SNTB1: variants seen among roughly 807,000 people sequenced by gnomAD.
SNTB1 encodes the protein beta-1-syntrophin.
In SNTB1, 36 loss-of-function variants were observed where a neutral mutation model predicts 48.9. The ratio of observed to expected loss-of-function variants is 0.74; its 90% CI spans 0.56 to 0.97. The LOEUF is 0.97. Ranked by LOEUF, SNTB1 falls within the 50% of genes least tolerant of loss-of-function variation. The pLI is 0.00. For missense variants in SNTB1, 786 were observed against 703.4 expected, an observed-to-expected ratio of 1.12 and a Z score of -1.33; for synonymous variants, 299 against 294.6, an observed-to-expected ratio of 1.01 and a Z score of -0.15.
chr8:120,663,869 C>T lies in SNTB1; in HGVS notation c.788+29823G>A, dbSNP rs141259404. Among the ~76,000 whole-genome samples, 32 of 152,184 alleles carry T rather than the reference C, an allele frequency of 2.1e-4. 1 individual carries two copies. In the East Asian group the frequency reaches 5.0e-3, roughly 24 times the overall value. On this transcript the variant is annotated intron_variant, in intron 2 of 6. Coordinates refer to ENST00000517992, the MANE Select transcript of SNTB1 (RefSeq NM_021021.4). ...GAGAATGCTTGAGATACTAAAGATCCGATTACAGCAGAGAAGGAGGGCATT... is the reference window on the plus strand; with the variant it reads ...GAGAATGCTTGAGATACTAAAGATCTGATTACAGCAGAGAAGGAGGGCATT...
At chr8:120,683,026 C>G (rs913832120) in intron 2 of SNTB1, among the ~76,000 whole-genome samples, 2 of 151,498 alleles carry the variant, frequency 1.3e-5, no homozygotes, top group African/African-American at 4.8e-5. Context: ...GGACTACAGG[C>G]GCCCGCCACT....
intron 1 of SNTB1, among the ~76,000 whole-genome samples, chr8:120,785,511 C>T (rs1819909603): frequency 6.6e-6 from 1 of 152,222 alleles, no homozygotes; most frequent in African/African-American, 2.4e-5. Context: ...GGCAGCTGTG[C>T]TCCTCACTGG....
At chr8:120,755,279 A>C (rs188071758) in intron 1 of SNTB1, among the ~76,000 whole-genome samples, 1 of 152,082 alleles carries the variant, frequency 6.6e-6, no homozygotes, top group African/African-American at 2.4e-5. Flanking sequence ...TAGAGCACTT[A>C]TGTTCTGGGT....
intron 5 of SNTB1, among the ~76,000 whole-genome samples, chr8:120,548,333 C>T (rs769635261): frequency 2.0e-5 from 3 of 152,148 alleles, no homozygotes; most frequent in Non-Finnish European, 2.9e-5. Context: ...TATAGCAGGC[C>T]TAAAAGACTC....
intron 1 of SNTB1, among the ~76,000 whole-genome samples, chr8:120,762,523 G>A (rs915069545): frequency 6.6e-6 from 1 of 152,146 alleles, no homozygotes; most frequent in African/African-American, 2.4e-5. Flanking sequence ...TGGGTTCGGA[G>A]GGTAGGGGAA....
chr8:120,542,763 A>G (rs1291568572), intron 5 of SNTB1, among the ~76,000 whole-genome samples: 1 of 152,118 alleles, frequency 6.6e-6, no homozygotes. Flanking sequence ...CCACTTGGTG[A>G]AAGAAGACAG....
At position 120,575,858 on chromosome 8, in the gene SNTB1, A is replaced by G. The variant is rs373868408; in HGVS notation, c.997-633T>C. ...GAAAGGATTGTGATAGTCATCAGTA[A>G]TGATTGGACCAGATGATCTCTGAAA... On this transcript the variant is annotated intron_variant, in intron 3 of 6. Transcript: ENST00000517992. Among the ~76,000 whole-genome samples the G allele has an allele frequency of 1.7e-3, 256 of 152,306 alleles. 1 individual carries two copies. Among genetic ancestry groups the G allele is most frequent in the African/African-American group, 5.9e-3 (247 of 41,562 alleles).
intron 2 of SNTB1, among the ~76,000 whole-genome samples, chr8:120,641,520 G>T (rs1817196801): frequency 6.6e-6 from 1 of 152,318 alleles, no homozygotes; most frequent in South Asian, 2.1e-4. Flanking sequence ...TCTTTGTTGG[G>T]TTGCCAGCAT....
chr8:120,736,041 C>A (rs1273371333), intron 1 of SNTB1, among the ~76,000 whole-genome samples: 1 of 151,984 alleles, frequency 6.6e-6, no homozygotes, highest in Non-Finnish European at 1.5e-5. Flanking sequence ...GGAGAGGCCT[C>A]AGGAAATTTT....
intron 1 of SNTB1, among the ~76,000 whole-genome samples, chr8:120,800,759 G>A (rs1384685413): frequency 6.6e-6 from 1 of 152,014 alleles, no homozygotes; most frequent in Non-Finnish European, 1.5e-5. Context: ...AGGAAAAACA[G>A]AAGTGGTTAA....
At chr8:120,557,178 G>A (rs965802252) in intron 4 of SNTB1, among the ~76,000 whole-genome samples, 1 of 152,198 alleles carries the variant, frequency 6.6e-6, no homozygotes, top group Non-Finnish European at 1.5e-5. Context: ...GATTTTGTGT[G>A]AGGAATGGAA....
chr8:120,603,458 T>C (rs1256160353), intron 3 of SNTB1, among the ~76,000 whole-genome samples: 1 of 152,212 alleles, frequency 6.6e-6, no homozygotes, highest in South Asian at 2.1e-4. Flanking sequence ...TTTCTTTTTT[T>C]GACAAGAATT....
At chr8:120,700,153 T>TTG (rs201805927) in intron 1 of SNTB1, among the ~76,000 whole-genome samples, 10,214 of 127,292 alleles carry the variant, frequency 0.08, 369 homozygotes, top group Admixed American at 0.12. Flanking sequence ...TGAAAAAAAA[T>TTG]TGCGTGTGTG....
At chr8:120,609,464 G>A (rs1436778655) in intron 3 of SNTB1, among the ~76,000 whole-genome samples, 1 of 152,162 alleles carries the variant, frequency 6.6e-6, no homozygotes, top group Non-Finnish European at 1.5e-5. Context: ...AGGACACCCC[G>A]AGCCATCAGA....
intron 4 of SNTB1, chr8:120,571,461 A>T (rs2130681082): frequency 2.5e-6 from 1 of 399,194 alleles, no homozygotes; most frequent in Non-Finnish European, 4.6e-6. Flanking sequence ...AAGGATGTTT[A>T]CATTCTGACT....
intron 5 of SNTB1, among the ~76,000 whole-genome samples, chr8:120,548,340 ACT>A (rs1034213710): frequency 2.0e-5 from 3 of 151,994 alleles, no homozygotes; most frequent in Non-Finnish European, 4.4e-5. Context: ...GGCCTAAAAG[ACT>A]CACACACCTG....
At chr8:120,657,553 A>G (rs2129737950) in intron 2 of SNTB1, among the ~76,000 whole-genome samples, 1 of 152,294 alleles carries the variant, frequency 6.6e-6, no homozygotes, top group East Asian at 1.9e-4. Flanking sequence ...CATTTCTAGA[A>G]AGCATTTTGA....
At chr8:120,672,295 G>A (rs771081765) in intron 2 of SNTB1, among the ~76,000 whole-genome samples, 3 of 152,136 alleles carry the variant, frequency 2.0e-5, no homozygotes, top group Non-Finnish European at 2.9e-5. Context: ...GTTACTTATT[G>A]AAAATATAAA....
intron 1 of SNTB1, among the ~76,000 whole-genome samples, chr8:120,773,111 T>C (rs1376894991): frequency 6.6e-6 from 1 of 152,120 alleles, no homozygotes; most frequent in African/African-American, 2.4e-5. Context: ...GAAATAATAA[T>C]TTTAAAAAAT....
Sources: allele counts gnomAD v4.1 joint callset (sites outside exome capture counted in the v4.1 genomes callset), GRCh38; gene constraint gnomAD v4.1.1; transcripts MANE v1.5; gene names NCBI Gene and HGNC (gene_info 2026-07-23, HGNC 2026-07-21).